Variants in SMCO2 observed in about 807,000 individuals in gnomAD.
SMCO2 encodes single-pass membrane and coiled-coil domain-containing protein 2.
SMCO2 carries 25 observed loss-of-function variants against 29.5 expected under a neutral mutation model. The observed-to-expected ratio is 0.85, with a 90% CI of 0.62 to 1.18. The LOEUF (loss-of-function observed/expected upper bound fraction) is 1.18. Ranked by LOEUF, SMCO2 falls within the 50% of genes most tolerant of loss-of-function variation. The probability of loss-of-function intolerance (pLI) is 0.00; values close to 1 mark genes in which losing one functional copy is unlikely to be tolerated. For synonymous variants in SMCO2, 117 were observed against 123.3 expected (o/e 0.95, Z 0.34); for missense variants, 348 against 344.5 (o/e 1.01, Z -0.08).
the SMCO2 span, among the ~76,000 whole-genome samples, chr12:27,436,067 G>A: frequency 6.6e-6 from 1 of 152,198 alleles, no homozygotes; most frequent in Non-Finnish European, 1.5e-5. Flanking sequence ...TTCCTGCTGT[G>A]TCCTCACATG....
the SMCO2 span, among the ~76,000 whole-genome samples, chr12:27,455,004 G>A: frequency 1.3e-3 from 199 of 152,096 alleles, 1 homozygote; most frequent in Middle Eastern, 3.4e-3. Flanking sequence ...AATTCCTATC[G>A]TTGAACTTTT....
At chr12:27,443,041 C>G in the SMCO2 span, among the ~76,000 whole-genome samples, 13 of 152,258 alleles carry the variant, frequency 8.5e-5, no homozygotes, top group Non-Finnish European at 1.9e-4. Flanking sequence ...GATACCAACA[C>G]CAGAGAAGAA....
rs1040982028 is a variant in SMCO2 at position 27,501,250 on chromosome 12, A to T, written c.684-673A>T. Among the ~76,000 whole-genome samples, 17 of 148,424 alleles carry T rather than the reference A, an allele frequency of 1.1e-4. 2 individuals carry two copies. The highest frequency in any genetic ancestry group is 3.3e-4 in the Admixed American group (5 of 14,982). ...GCTAACACGGTGAAACCCCGTCTCT[A>T]CTAAAAATACAAAAAATTAGCCGGG... is the stretch of plus-strand genomic sequence containing the variant. On this transcript the variant is annotated intron_variant, in intron 7 of 7. Transcript: ENST00000298876.
At chr12:27,432,772 A>G in the SMCO2 span, among the ~76,000 whole-genome samples, 2 of 152,228 alleles carry the variant, frequency 1.3e-5, 1 homozygote, top group East Asian at 3.8e-4. Context: ...AAGCATATTC[A>G]TTAAAGCAGA....
the SMCO2 span, among the ~76,000 whole-genome samples, chr12:27,458,978 A>G: frequency 9.9e-5 from 15 of 151,552 alleles, no homozygotes; most frequent in Admixed American, 9.2e-4. Flanking sequence ...ACGATGTCAG[A>G]AGATCGAGAC....
the SMCO2 span, among the ~76,000 whole-genome samples, chr12:27,456,075 C>T: frequency 4.6e-5 from 7 of 152,244 alleles, no homozygotes; most frequent in African/African-American, 1.2e-4. Context: ...ATTAGCCAGG[C>T]GTGGTGGCCC....
intron 4 of SMCO2, among the ~76,000 whole-genome samples, chr12:27,476,284 G>C (rs879539066): frequency 4.6e-5 from 7 of 152,160 alleles, no homozygotes; most frequent in Non-Finnish European, 1.0e-4. Flanking sequence ...CTAACATATG[G>C]TCTATCCCAG....
At chr12:27,497,928 C>T (rs1943031222) in intron 7 of SMCO2, 1 of 334,820 alleles carries the variant, frequency 3.0e-6, no homozygotes. Flanking sequence ...ACTAGAGTCT[C>T]CCGTGCTGGA....
At chr12:27,426,284 C>A in the SMCO2 span, among the ~76,000 whole-genome samples, 1 of 152,168 alleles carries the variant, frequency 6.6e-6, no homozygotes, top group Non-Finnish European at 1.5e-5. Flanking sequence ...AAGTTTCTGG[C>A]CCCAGGGGTC....
At chr12:27,466,885 G>A (rs1486585375) in exon 1 of SMCO2, 2 of 152,216 alleles carry the variant, frequency 1.3e-5, no homozygotes, top group Admixed American at 1.3e-4. Context: ...TGGCACCACT[G>A]GAACAGGAAA....
chr12:27,461,759 C>T, the SMCO2 span, among the ~76,000 whole-genome samples: 1 of 152,240 alleles, frequency 6.6e-6, no homozygotes, highest in Non-Finnish European at 1.5e-5. Flanking sequence ...CTTTAAATCC[C>T]TTGCCTTGGC....
At chr12:27,429,267 A>C in the SMCO2 span, among the ~76,000 whole-genome samples, 3 of 152,256 alleles carry the variant, frequency 2.0e-5, no homozygotes, top group East Asian at 3.9e-4. Context: ...GCTAAGAAGA[A>C]AATAAAAATC....
chr12:27,461,047 T>C, the SMCO2 span, among the ~76,000 whole-genome samples: 3 of 152,146 alleles, frequency 2.0e-5, no homozygotes, highest in South Asian at 6.2e-4. Context: ...CTTTCTGAAA[T>C]CCAGAAACCA....
intron 5 of SMCO2, among the ~76,000 whole-genome samples, chr12:27,491,899 G>A (rs1351209210): frequency 6.6e-6 from 1 of 151,688 alleles, no homozygotes; most frequent in East Asian, 1.9e-4. Context: ...TTGTAGAGAC[G>A]GGGTTTCACC....
chr12:27,435,300 C>T, the SMCO2 span, among the ~76,000 whole-genome samples: 32 of 17,744 alleles, frequency 1.8e-3, 6 homozygotes, highest in Admixed American at 7.3e-3. Context: ...CCCCCCCCCC[C>T]CCGGCAATTG....
the SMCO2 span, among the ~76,000 whole-genome samples, chr12:27,430,578 G>T: frequency 6.6e-6 from 1 of 152,120 alleles, no homozygotes; most frequent in East Asian, 1.9e-4. Flanking sequence ...GTTATATACA[G>T]AAATCTAATT....
rs73086401 is a variant in SMCO2, at chr12:27,470,725, T to G, written c.94T>G (p.Phe32Val). The G allele has an allele frequency of 1.1e-5, 17 of 1,551,102 alleles. No homozygotes were observed. The highest frequency in any genetic ancestry group is 1.5e-5 in the Non-Finnish European group (17 of 1,146,628). Reference sequence around the variant, plus strand: ...ACAGCTGACTAAGAAAAACAATGGCTTTTTCCAAAAGCTCAATGTGACTGA... The same window carrying G: ...ACAGCTGACTAAGAAAAACAATGGCGTTTTCCAAAAGCTCAATGTGACTGA... Residue 32 changes from phenylalanine to valine, a missense_variant, in exon 2 of 8, where the codon TTT becomes GTT. Coordinates refer to ENST00000298876, the Ensembl canonical transcript of SMCO2.
chr12:27,488,008 G>C (rs1008929476), intron 4 of SMCO2, among the ~76,000 whole-genome samples: 17 of 151,794 alleles, frequency 1.1e-4, no homozygotes, highest in African/African-American at 4.1e-4. Context: ...TATGTGCTAA[G>C]CAAATATTTT....
chr12:27,477,241 C>T (rs1484852174), intron 4 of SMCO2, among the ~76,000 whole-genome samples: 10 of 119,926 alleles, frequency 8.3e-5, no homozygotes, highest in Non-Finnish European at 1.5e-4. Flanking sequence ...TTTTTCCTCT[C>T]AGCACTTTGA....
Sources: allele counts gnomAD v4.1 joint callset (sites outside exome capture counted in the v4.1 genomes callset), GRCh38; gene constraint gnomAD v4.1.1; transcripts MANE v1.5; gene names NCBI Gene and HGNC (gene_info 2026-07-23, HGNC 2026-07-21).